The following ASNS variants were observed in gnomAD, a reference collection of about 807,000 sequenced individuals.
The protein encoded by ASNS is asparagine synthetase [glutamine-hydrolyzing].
Under a neutral mutation model 62.6 loss-of-function variants are expected in ASNS, and 37 were observed. That is an observed-to-expected ratio of 0.59 (90% confidence interval 0.45 to 0.78). ASNS has a LOEUF of 0.78. Among genes scored for constraint, ASNS ranks in the 30% least tolerant of loss-of-function variants. The pLI is 0.00. For missense variants in ASNS, 520 were observed against 682.4 expected, an observed-to-expected ratio of 0.76 and a Z score of 2.65; for synonymous variants, 207 against 237.9, an observed-to-expected ratio of 0.87 and a Z score of 1.19.
chr7:97,891,534 A>G, the ASNS span, among the ~76,000 whole-genome samples: 2 of 152,256 alleles, frequency 1.3e-5, no homozygotes, highest in East Asian at 1.9e-4. Flanking sequence ...CCTTCTGCCT[A>G]TGAGCATGTA....
chr7:97,852,704 G>T (rs563788803), intron 12 of ASNS, among the ~76,000 whole-genome samples: 2 of 152,232 alleles, frequency 1.3e-5, no homozygotes, highest in African/African-American at 2.4e-5. Context: ...TTAGTCATTT[G>T]TGCCTAACAA....
chr7:97,856,829 A>G lies in ASNS; in HGVS notation c.904-13T>C. The G allele has an allele frequency of 1.9e-6, 3 of 1,585,342 alleles. No homozygotes were observed. The East Asian group carries it at 6.7e-5, about 36-fold the overall frequency. ...TATGATCTGCCACCTTATTATATAA[A>G]GAAATACCCATTTACTTGTTAAAGA... On this transcript the variant is annotated splice_polypyrimidine_tract_variant and intron_variant, in intron 7 of 12. Transcript: ENST00000394308.
At chr7:97,914,780 C>G in the ASNS span, among the ~76,000 whole-genome samples, 1,142 of 152,330 alleles carry the variant, frequency 7.5e-3, 15 homozygotes, top group African/African-American at 0.026. Context: ...ATCACACAGG[C>G]TTTTCCAAGG....
At chr7:97,858,521 C>A in intron 6 of ASNS, 116 bp from the exon 7 acceptor site, 4 of 1,327,768 alleles carry the variant, frequency 3.0e-6, no homozygotes, top group South Asian at 3.0e-5. Context: ...TTAAAATCCG[C>A]CAAGTTTTAT....
intron 4 of ASNS, among the ~76,000 whole-genome samples, chr7:97,860,743 C>T (rs1386819148): frequency 6.6e-6 from 1 of 152,198 alleles, no homozygotes; most frequent in East Asian, 1.9e-4. Flanking sequence ...ATGTCTTCCT[C>T]AAGTTTACCA....
chr7:97,928,310 G>C, the ASNS span: 1 of 1,430,492 alleles, frequency 7.0e-7, no homozygotes, highest in Non-Finnish European at 9.4e-7. Flanking sequence ...TGGCTCCGGG[G>C]GCTCTGCCTG....
At chr7:97,861,045 T>TG (rs1407701555) in intron 4 of ASNS, among the ~76,000 whole-genome samples, 4 of 118,378 alleles carry the variant, frequency 3.4e-5, no homozygotes, top group Middle Eastern at 5.0e-3. Context: ...TTTTTTGAGA[T>TG]GAGTCTCGCT....
chr7:97,856,483 T>C (rs1356257854), intron 8 of ASNS, among the ~76,000 whole-genome samples: 1 of 152,108 alleles, frequency 6.6e-6, no homozygotes, highest in Non-Finnish European at 1.5e-5. Flanking sequence ...AATGTGGAGG[T>C]TGAACTACGT....
Position 97,866,319 on chromosome 7 carries a change from G to T in ASNS, c.250-1823C>A, listed in dbSNP as rs556008893. On this transcript the variant is annotated intron_variant, in intron 3 of 12. Transcript: ENST00000394308. Reference sequence around the variant, plus strand: ...AAAACAAAGCTGCTGGTCCCCAGGGGTGGATGACAATGCCCAGTGCTTCCA... The same window carrying T: ...AAAACAAAGCTGCTGGTCCCCAGGGTTGGATGACAATGCCCAGTGCTTCCA... Among the ~76,000 whole-genome samples the T allele has an allele frequency of 3.2e-4, 49 of 152,300 alleles. No individual in the cohort carries two copies. In the South Asian group the frequency reaches 0.01, roughly 32 times the overall value.
the ASNS span, among the ~76,000 whole-genome samples, chr7:97,917,847 C>T: frequency 1.3e-5 from 2 of 152,230 alleles, no homozygotes; most frequent in Non-Finnish European, 1.5e-5. Flanking sequence ...GTGCTGACTG[C>T]GCACAAGGCC....
the ASNS span, among the ~76,000 whole-genome samples, chr7:97,912,591 T>TTTTTTTTTTTTTTC: frequency 1.0e-4 from 8 of 79,380 alleles, 1 homozygote; most frequent in East Asian, 3.8e-4. Flanking sequence ...TTTTTTTTTT[T>TTTTTTTTTTTTTTC]TTCTGTTTTC....
chr7:97,910,368 C>T, the ASNS span, among the ~76,000 whole-genome samples: 1 of 150,160 alleles, frequency 6.7e-6, no homozygotes, highest in East Asian at 1.9e-4. Context: ...TATAAATATT[C>T]ACTACCATCC....
the ASNS span, among the ~76,000 whole-genome samples, chr7:97,921,194 C>T: frequency 5.3e-5 from 8 of 152,220 alleles, no homozygotes; most frequent in Non-Finnish European, 1.0e-4. Context: ...CTAGCCCAGA[C>T]TTGTGTACAT....
At chr7:97,898,574 T>C in the ASNS span, 1 of 604,250 alleles carries the variant, frequency 1.7e-6, no homozygotes, top group Non-Finnish European at 3.0e-6. Context: ...TATTGACCAC[T>C]TCTTTCAAGT....
rs1305869155 is a variant in ASNS, at chr7:97,852,114, G to A, written c.*145C>T. The A allele has an allele frequency of 9.5e-6, 8 of 840,938 alleles. No individual in the cohort carries two copies. In the Admixed American group the frequency reaches 1.3e-4, roughly 14 times the overall value. 52.1% of individuals were successfully genotyped at this position (840,938 alleles called of 1,614,324 possible). On this transcript the variant is annotated 3_prime_UTR_variant, in exon 13 of 13. Transcript: ENST00000394308. The stretch of plus-strand genomic sequence containing the variant: ...ATGAAGAGACTGCATGAACATAAAT[G>A]ACTACAGCAATGGTTTAGATTTAGG...
intron 4 of ASNS, among the ~76,000 whole-genome samples, chr7:97,860,007 G>A (rs1791637828): frequency 6.6e-6 from 1 of 152,152 alleles, no homozygotes; most frequent in African/African-American, 2.4e-5. Context: ...TCATCACCAT[G>A]ATCTTTGATA....
chr7:97,880,990 A>C, the ASNS span, among the ~76,000 whole-genome samples: 1 of 151,946 alleles, frequency 6.6e-6, no homozygotes, highest in Non-Finnish European at 1.5e-5. Flanking sequence ...ACCCAGGCTG[A>C]AGTGCAGTGG....
At chr7:97,912,749 A>AT in the ASNS span, among the ~76,000 whole-genome samples, 1 of 150,874 alleles carries the variant, frequency 6.6e-6, no homozygotes, top group African/African-American at 2.4e-5. Context: ...CACCTGGCTA[A>AT]TTTTTGTATT....
chr7:97,904,579 T>C, the ASNS span, among the ~76,000 whole-genome samples: 2 of 152,078 alleles, frequency 1.3e-5, no homozygotes. Context: ...AAGAATTAAA[T>C]GCTCCAGGCT....
Sources: gnomAD v4.1 joint callset for allele counts (sites outside exome capture counted in the v4.1 genomes callset) on GRCh38, gnomAD v4.1.1 for gene constraint, MANE v1.5 for transcripts, NCBI Gene and HGNC (gene_info 2026-07-23, HGNC 2026-07-21) for gene names.